Variants in DTNB observed in about 807,000 individuals in gnomAD.
DTNB encodes the protein dystrobrevin beta.
Under a neutral mutation model 90.7 loss-of-function variants are expected in DTNB, and 63 were observed. The ratio of observed to expected loss-of-function variants is 0.69; its 90% CI spans 0.57 to 0.86. The LOEUF is 0.86. DTNB is among the 40% of genes least tolerant of loss of function. The pLI is 0.00. For synonymous variants in DTNB, 277 were observed against 286.7 expected, an observed-to-expected ratio of 0.97 and a Z score of 0.34; for missense variants, 744 against 807.1, an observed-to-expected ratio of 0.92 and a Z score of 0.95.
intron 9 of DTNB, among the ~76,000 whole-genome samples, chr2:25,501,429 G>C (rs1157206869): frequency 1.3e-5 from 2 of 151,978 alleles, no homozygotes; most frequent in Non-Finnish European, 2.9e-5. Context: ...GCCCAGGCTA[G>C]GATGCAGTAG....
In DTNB at chr2:25,416,784, GGAAGGAAGGAAGGAAGGAAC is replaced by G. The variant is rs925948058; in HGVS notation, c.1575+2711_1575+2730del. 2.3e-4 allele frequency among the ~76,000 whole-genome samples: 29 copies of G among 123,788 alleles called. No individual in the cohort carries two copies. In the South Asian group the frequency reaches 3.8e-3, roughly 16 times the overall value. The allele number at this position is 123,788 out of a possible 152,430, so 81.2% of individuals were successfully genotyped here. On this transcript the variant is annotated intron_variant, in intron 16 of 20. Transcript: ENST00000406818. ...AATTAAACTACACCAGCCAGAACCT[GGAAGGAAGGAAGGAAGGAAC>G]GAAGGAAGGAAGGAAGGAAGGAAGG...
intron 3 of DTNB, among the ~76,000 whole-genome samples, chr2:25,632,088 G>A (rs956439922): frequency 7.3e-5 from 11 of 151,228 alleles, no homozygotes; most frequent in Admixed American, 2.0e-4. Flanking sequence ...ACAACTACTC[G>A]GGAGGCCAAG....
At chr2:25,602,476 C>T (rs1647526180) in intron 5 of DTNB, among the ~76,000 whole-genome samples, 1 of 152,204 alleles carries the variant, frequency 6.6e-6, no homozygotes, top group Admixed American at 6.5e-5. Flanking sequence ...GATAATTATG[C>T]AGCCATGGGT....
chr2:25,474,237 A>G (rs1028911420), intron 10 of DTNB, among the ~76,000 whole-genome samples: 1 of 151,030 alleles, frequency 6.6e-6, no homozygotes, highest in Non-Finnish European at 1.5e-5. Flanking sequence ...AACACTAAGG[A>G]CCCTGCAGTT....
chr2:25,388,418 G>A (rs1238254732), intron 16 of DTNB, 57 bp from the exon 17 acceptor site: 1 of 1,534,320 alleles, frequency 6.5e-7, no homozygotes, highest in East Asian at 2.3e-5. Context: ...CTTTGAGGAA[G>A]GAAGAAAGTA....
intron 8 of DTNB, among the ~76,000 whole-genome samples, chr2:25,566,451 T>C (rs1282617563): frequency 6.6e-6 from 1 of 152,224 alleles, no homozygotes; most frequent in East Asian, 1.9e-4. Flanking sequence ...TCCACTATTT[T>C]AAGCAGTTAA....
chr2:25,514,100 G>A (rs2074508696), intron 9 of DTNB, among the ~76,000 whole-genome samples: 1 of 152,074 alleles, frequency 6.6e-6, no homozygotes, highest in Admixed American at 6.5e-5. Context: ...GTCATATAAT[G>A]GCAAGTGTCA....
chr2:25,544,902 T>C (rs931093404), intron 8 of DTNB, among the ~76,000 whole-genome samples: 1 of 152,254 alleles, frequency 6.6e-6, no homozygotes, highest in African/African-American at 2.4e-5. Context: ...ATTAATTCTT[T>C]CAGCAATGTT....
chr2:25,672,709 T>C (rs1382538204), intron 1 of DTNB: 2 of 152,262 alleles, frequency 1.3e-5, no homozygotes, highest in African/African-American at 4.8e-5. Context: ...ACAGCCACAC[T>C]GTCAGCACCT....
intron 5 of DTNB, among the ~76,000 whole-genome samples, chr2:25,606,092 G>C (rs1219442168): frequency 6.6e-6 from 1 of 151,686 alleles, no homozygotes; most frequent in African/African-American, 2.4e-5. Context: ...TCATGGTAAA[G>C]TAAGAAAAAG....
At chr2:25,646,499 T>G (rs773216489) in intron 2 of DTNB, among the ~76,000 whole-genome samples, 1 of 151,996 alleles carries the variant, frequency 6.6e-6, no homozygotes, top group Non-Finnish European at 1.5e-5. Context: ...AGAAACTTAT[T>G]ACAACCTATT....
intron 10 of DTNB, among the ~76,000 whole-genome samples, chr2:25,456,798 C>T (rs1273627352): frequency 2.0e-5 from 3 of 151,848 alleles, no homozygotes; most frequent in African/African-American, 7.3e-5. Context: ...GAACTCCTGA[C>T]CTCAAGTGAT....
chr2:25,636,240 T>C (rs1420933521), intron 3 of DTNB, among the ~76,000 whole-genome samples: 1 of 152,222 alleles, frequency 6.6e-6, no homozygotes, highest in Non-Finnish European at 1.5e-5. Flanking sequence ...TATTTTCTTC[T>C]GTTTATTGAC....
intron 8 of DTNB, among the ~76,000 whole-genome samples, chr2:25,549,724 A>G (rs1043195981): frequency 2.0e-5 from 3 of 152,090 alleles, no homozygotes; most frequent in African/African-American, 7.2e-5. Flanking sequence ...GCAGTGGAGT[A>G]ATCATGGCTC....
chr2:25,553,058 C>T (rs1324891765), intron 8 of DTNB, among the ~76,000 whole-genome samples: 2 of 151,226 alleles, frequency 1.3e-5, no homozygotes, highest in Non-Finnish European at 2.9e-5. Context: ...GACGGGGTTT[C>T]ACCTTGTTAG....
intron 15 of DTNB, among the ~76,000 whole-genome samples, chr2:25,422,689 C>T (rs955138465): frequency 3.9e-5 from 6 of 151,976 alleles, no homozygotes; most frequent in South Asian, 2.1e-4. Flanking sequence ...TGAGCCACCA[C>T]GCCTGGCCTG....
At chr2:25,462,938 C>T (rs2061234151) in intron 10 of DTNB, among the ~76,000 whole-genome samples, 3 of 152,146 alleles carry the variant, frequency 2.0e-5, no homozygotes, top group Non-Finnish European at 4.4e-5. Flanking sequence ...CTGCTGACCT[C>T]GTGATCCACC....
intron 6 of DTNB, among the ~76,000 whole-genome samples, chr2:25,594,245 A>G (rs2064130787): frequency 6.6e-6 from 1 of 152,244 alleles, no homozygotes; most frequent in South Asian, 2.1e-4. Context: ...ATGTTTCATT[A>G]GAACGAAGCA....
chr2:25,469,543 T>G (rs1357901427), intron 10 of DTNB, among the ~76,000 whole-genome samples: 1 of 152,146 alleles, frequency 6.6e-6, no homozygotes, highest in Non-Finnish European at 1.5e-5. Context: ...CCTCCTGGGT[T>G]CAAGTGATTC....
Sources: allele counts gnomAD v4.1 joint callset (sites outside exome capture counted in the v4.1 genomes callset), GRCh38; gene constraint gnomAD v4.1.1; transcripts MANE v1.5; gene names NCBI Gene and HGNC (gene_info 2026-07-23, HGNC 2026-07-21).